The following PTPRU variants were observed in gnomAD, a reference collection of about 807,000 sequenced individuals.
PTPRU encodes the protein receptor-type tyrosine-protein phosphatase U.
Under a neutral mutation model 166.3 loss-of-function variants are expected in PTPRU, and 69 were observed. The ratio of observed to expected loss-of-function variants is 0.41; its 90% CI spans 0.34 to 0.51. The LOEUF is 0.51. Among genes scored for constraint, PTPRU ranks in the 20% least tolerant of loss-of-function variants. PTPRU has a pLI of 0.09. For synonymous variants in PTPRU, 793 were observed against 814.0 expected (o/e 0.97, Z 0.44); for missense variants, 1,657 against 2,013.7 (o/e 0.82, Z 3.39).
At chr1:29,261,479 G>A (rs771616826) in intron 7 of PTPRU, among the ~76,000 whole-genome samples, 1 of 152,150 alleles carries the variant, frequency 6.6e-6, no homozygotes, top group Non-Finnish European at 1.5e-5. Context: ...AATCAGAAGA[G>A]AAATTGAGAA....
At chr1:29,253,518 T>C (rs1313744921) in intron 1 of PTPRU, among the ~76,000 whole-genome samples, 1 of 152,112 alleles carries the variant, frequency 6.6e-6, no homozygotes, top group Non-Finnish European at 1.5e-5. Flanking sequence ...AGGCCTAAAG[T>C]GTCCAACATT....
intron 8 of PTPRU, among the ~76,000 whole-genome samples, chr1:29,278,289 A>C (rs547723800): frequency 6.6e-5 from 10 of 152,280 alleles, no homozygotes; most frequent in African/African-American, 2.4e-4. Flanking sequence ...TTCAAAATTC[A>C]GCTCCTTCTT....
intron 15 of PTPRU, among the ~76,000 whole-genome samples, chr1:29,292,815 GTT>G (rs774242717): frequency 6.0e-5 from 8 of 132,940 alleles, no homozygotes; most frequent in Non-Finnish European, 8.0e-5. Flanking sequence ...AAATTGTTGT[GTT>G]TTTTTTTTTT....
At position 29,272,906 on chromosome 1, in the gene PTPRU, CAAAAAAAAA is replaced by C. The variant is rs57076551; in HGVS notation, c.1145-2529_1145-2521del. Among the ~76,000 whole-genome samples the C allele has an allele frequency of 5.0e-3, 272 of 54,670 alleles. 3 individuals are homozygous for C. The highest frequency in any genetic ancestry group is 0.017 in the African/African-American group (250 of 14,714). 35.9% of individuals were successfully genotyped at this position (54,670 alleles called of 152,430 possible). A position where few individuals can be genotyped will look rare whatever the true frequency, so the allele number is the denominator to read the frequency against. ...TGGATGACAGAGCAAGACCTTGTCT[CAAAAAAAAA>C]AAAAAAAAAAAAGAAAAAAAAATGC... On this transcript the variant is annotated intron_variant, in intron 7 of 29. Coordinates refer to ENST00000373779, the MANE Select transcript of PTPRU (RefSeq NM_133178.4).
chr1:29,275,901 C>A (rs1197079147), intron 8 of PTPRU, 145 bp downstream of exon 8: 4 of 907,504 alleles, frequency 4.4e-6, no homozygotes, highest in Non-Finnish European at 6.6e-6. Flanking sequence ...GTGATAGCTC[C>A]TATTTTTTCT....
chr1:29,311,643 G>A lies in PTPRU; in HGVS notation c.2956G>A (p.Val986Met). 6.2e-7 allele frequency: 1 copy of A among 1,614,184 alleles called. No individual in the cohort carries two copies. The highest frequency in any genetic ancestry group is 1.1e-5 in the South Asian group (1 of 91,082). ...MITKLVEVGR[V>M]KCSRYWPEDS... ...GAGTCCCGTCCTGTGGGGCCTCTAG[G>A]TGAAATGCTCACGGTACTGGCCGGA... is the stretch of plus-strand genomic sequence containing the variant. The change falls in exon 21 of 30, where the codon GTG (valine) becomes ATG (methionine). Residue 986 changes from valine (V) to methionine (M), a missense_variant and splice_region_variant. This residue lies in a region of PTPRU where 1,190 missense variants were observed against 1,477.4 expected (regional missense o/e 0.81). Transcript: ENST00000373779. This position sits in a 1 kb window ranked among gnomAD's most constrained non-coding sequence, Gnocchi z 4.1.
intron 8 of PTPRU, among the ~76,000 whole-genome samples, chr1:29,276,901 A>G (rs1685830453): frequency 6.6e-6 from 1 of 152,128 alleles, no homozygotes; most frequent in South Asian, 2.1e-4. Flanking sequence ...TTCATTTCTA[A>G]TATACGTGTT....
chr1:29,247,404 G>C (rs1044288652), intron 1 of PTPRU, among the ~76,000 whole-genome samples: 8 of 152,216 alleles, frequency 5.3e-5, no homozygotes, highest in African/African-American at 1.9e-4. Flanking sequence ...TCCCTGCATT[G>C]TATAACAGTA....
chr1:29,324,015 C>G (rs1476381479), intron 28 of PTPRU, among the ~76,000 whole-genome samples: 2 of 152,228 alleles, frequency 1.3e-5, no homozygotes, highest in African/African-American at 4.8e-5. Context: ...GCCCAGTATC[C>G]TCTGTGTGAT....
At chr1:29,323,089 C>CA in intron 26 of PTPRU, 1 of 377,764 alleles carries the variant, frequency 2.6e-6, no homozygotes, top group Non-Finnish European at 5.0e-6. Context: ...TAAGGTGTAG[C>CA]TTTCTAGCTG....
chr1:29,240,746 T>C (rs1389973546), intron 1 of PTPRU, among the ~76,000 whole-genome samples: 1 of 152,058 alleles, frequency 6.6e-6, no homozygotes, highest in Non-Finnish European at 1.5e-5. Flanking sequence ...GCCTGGCAGT[T>C]GGTGAGACGT....
chr1:29,238,377 C>T lies in PTPRU; in HGVS notation c.73+1660C>T, dbSNP rs978917635. 2.6e-5 allele frequency among the ~76,000 whole-genome samples: 4 copies of T among 152,072 alleles called. No homozygotes were observed. Among genetic ancestry groups the T allele is most frequent in the Non-Finnish European group, 4.4e-5 (3 of 67,980 alleles). ...GGGTGACCTCCCCCGCCCTCGCCACCGGCGGGGCTGCTCCGCGGGCTCCGG... is the reference window on the plus strand; with the variant it reads ...GGGTGACCTCCCCCGCCCTCGCCACTGGCGGGGCTGCTCCGCGGGCTCCGG... On this transcript the variant is annotated intron_variant, in intron 1 of 29. Transcript: ENST00000373779. The surrounding 1 kb of genome is among the most constrained non-coding windows in gnomAD (Gnocchi z 6.1).
Position 29,260,084 on chromosome 1 carries a change from T to C in PTPRU, c.850+40T>C. 1 of 1,129,400 alleles carries C rather than the reference T, an allele frequency of 8.9e-7. No individual in the cohort carries two copies. The highest frequency in any genetic ancestry group is 1.1e-6 in the Non-Finnish European group (1 of 911,402). The allele number at this position is 1,129,400 out of a possible 1,614,324, so 70.0% of individuals were successfully genotyped here. On this transcript the variant is annotated intron_variant, in intron 6 of 29. Coordinates refer to ENST00000373779, the MANE Select transcript of PTPRU (RefSeq NM_133178.4). The surrounding 1 kb of genome is among the most constrained non-coding windows in gnomAD (Gnocchi z 8.3). ...GCCGGGGAGCGCCGGGACCTCACCC[T>C]CGAGGGGCGGGGCCGGCGACGGGGG...
At position 29,325,250 on chromosome 1, in the gene PTPRU, G is replaced by C; in HGVS notation, c.4172G>C (p.Arg1391Pro). The C allele has an allele frequency of 6.2e-7, 1 of 1,614,216 alleles. No homozygotes were observed. Residue 1391 changes from arginine to proline, a missense_variant, in exon 29 of 30, where the codon CGC becomes CCC. Transcript: ENST00000373779. ...CACATVLEMI[R>P]CHNLVDVFFA... is the part of the protein sequence containing the mutation. ...TGCGCCACGGTCCTGGAGATGATCC[G>C]CTGCCACAACTTGGTGGACGTTTTC...
chr1:29,321,023 TTTTTC>T (rs1284695163), intron 26 of PTPRU, among the ~76,000 whole-genome samples, 198 bp downstream of exon 26: 1 of 152,182 alleles, frequency 6.6e-6, no homozygotes, highest in Non-Finnish European at 1.5e-5. Flanking sequence ...CTAGTTGCTC[TTTTTC>T]TTTTCTTTTT....
chr1:29,312,132 G>C (rs1187261106), intron 21 of PTPRU, among the ~76,000 whole-genome samples: 1 of 152,234 alleles, frequency 6.6e-6, no homozygotes, highest in East Asian at 1.9e-4. Flanking sequence ...ATAGTCAGTG[G>C]CTGGCCAGCG....
At chr1:29,247,835 A>G (rs1684368669) in intron 1 of PTPRU, among the ~76,000 whole-genome samples, 1 of 152,078 alleles carries the variant, frequency 6.6e-6, no homozygotes. Context: ...AGATGGCAAG[A>G]TGTTGGCATT....
Position 29,270,460 on chromosome 1 carries a change from C to T in PTPRU, c.1145-4988C>T, listed in dbSNP as rs533699494. On this transcript the variant is annotated intron_variant, in intron 7 of 29. Coordinates refer to ENST00000373779, the MANE Select transcript of PTPRU (RefSeq NM_133178.4). Reference sequence around the variant, plus strand: ...TAGCTGGGACTACAGGCGCGCACCACCATGCCTGGCTAATTTTTATATTTT... The same window carrying T: ...TAGCTGGGACTACAGGCGCGCACCATCATGCCTGGCTAATTTTTATATTTT... Among the ~76,000 whole-genome samples the T allele has an allele frequency of 9.9e-5, 15 of 152,222 alleles. No individual in the cohort carries two copies. The East Asian group carries it at 1.9e-3, about 20-fold the overall frequency.
At chr1:29,323,977 C>T (rs1688287910) in intron 28 of PTPRU, among the ~76,000 whole-genome samples, 189 bp downstream of exon 28, 1 of 152,214 alleles carries the variant, frequency 6.6e-6, no homozygotes, top group Admixed American at 6.5e-5. Flanking sequence ...AGTGAGTTTC[C>T]AGGCTATAGA....
Sources: gnomAD v4.1 joint callset for allele counts (sites outside exome capture counted in the v4.1 genomes callset) on GRCh38, gnomAD v4.1.1 for gene constraint, gnomAD v4.1.1 regional missense constraint, Gnocchi (gnomAD v3.1) non-coding constraint, MANE v1.5 for transcripts, NCBI Gene and HGNC (gene_info 2026-07-23, HGNC 2026-07-21) for gene names.